Variants in PCDHGA5 observed in about 807,000 individuals in gnomAD.
PCDHGA5 encodes the protein protocadherin gamma-A5.
A neutral mutation model predicts 56.7 loss-of-function variants in PCDHGA5; 36 were observed. The observed-to-expected ratio is 0.64, with a 90% CI of 0.49 to 0.84. The LOEUF (loss-of-function observed/expected upper bound fraction) is 0.84, where lower values mean the gene tolerates loss of function less well. Ranked by LOEUF, PCDHGA5 falls within the 40% of genes least tolerant of loss-of-function variation. PCDHGA5 has a pLI of 0.00. For synonymous variants in PCDHGA5, 563 were observed against 520.2 expected (o/e 1.08, Z -1.12); for missense variants, 1,305 against 1,201.5 (o/e 1.09, Z -1.27).
intron 1 of PCDHGA5, among the ~76,000 whole-genome samples, chr5:141,454,731 G>T (rs1249851832): frequency 6.7e-6 from 1 of 150,262 alleles, no homozygotes; most frequent in Non-Finnish European, 1.5e-5. Context: ...ATATGTTATA[G>T]GATGAAAAGA....
chr5:141,442,786 A>T (rs569050347), intron 1 of PCDHGA5, among the ~76,000 whole-genome samples: 12 of 152,308 alleles, frequency 7.9e-5, no homozygotes, highest in African/African-American at 2.6e-4. Context: ...TATATTTTAT[A>T]ATTTTACTTT....
At chr5:141,409,434 A>T in intron 1 of PCDHGA5, 2 of 1,613,992 alleles carry the variant, frequency 1.2e-6, no homozygotes, top group Non-Finnish European at 1.7e-6. Context: ...GGAGCCCTGG[A>T]CCGAGAGCAG....
intron 1 of PCDHGA5, chr5:141,409,471 A>T: frequency 6.2e-7 from 1 of 1,613,978 alleles, no homozygotes; most frequent in Non-Finnish European, 8.5e-7. Context: ...TCACCATCGT[A>T]GCCACTGACA....
rs766835008 is a variant in PCDHGA5, at chr5:141,370,979, A to G, written c.2421+4228A>G. The G allele has an allele frequency of 3.7e-6, 6 of 1,613,990 alleles. 1 individual carries two copies. In the Admixed American group the frequency reaches 6.7e-5, roughly 18 times the overall value. On this transcript the variant is annotated intron_variant, in intron 1 of 3. Coordinates refer to ENST00000518069, the MANE Select transcript of PCDHGA5 (RefSeq NM_018918.3). ...ATGGCAGTAGGTACCCAGAGCTAGT[A>G]CTGAAAGCACCCCTGGACAGGGAAG...
At chr5:141,414,363 T>C in intron 1 of PCDHGA5, 3 of 1,613,910 alleles carry the variant, frequency 1.9e-6, no homozygotes, top group Non-Finnish European at 1.7e-6. Context: ...ATCTACCATT[T>C]AAATTAGAAA....
intron 1 of PCDHGA5, among the ~76,000 whole-genome samples, chr5:141,479,138 T>G (rs1469363480): frequency 6.6e-6 from 1 of 152,232 alleles, no homozygotes; most frequent in Non-Finnish European, 1.5e-5. Flanking sequence ...GCACCCTGCT[T>G]ACAAAATATT....
chr5:141,409,178 G>A, intron 1 of PCDHGA5: 1 of 1,613,994 alleles, frequency 6.2e-7, no homozygotes, highest in Non-Finnish European at 8.5e-7. Context: ...GGACGGAGGT[G>A]GTCTCTCTAC....
At position 141,426,001 on chromosome 5, in the gene PCDHGA5, T is replaced by C. The variant is rs553657872; in HGVS notation, c.2421+59250T>C. Among the ~76,000 whole-genome samples, 3 of 152,318 alleles carry C rather than the reference T, an allele frequency of 2.0e-5. No individual in the cohort carries two copies. In the South Asian group the frequency reaches 6.2e-4, roughly 32 times the overall value. The stretch of plus-strand genomic sequence containing the variant: ...TGAATCCCATTGAATTAGCAAAGGC[T>C]TCCGGCTGCAGTTTTCTAAATAGAC... On this transcript the variant is annotated intron_variant, in intron 1 of 3. Transcript: ENST00000518069.
At position 141,415,832 on chromosome 5, in the gene PCDHGA5, T is replaced by C. The variant is rs995620508; in HGVS notation, c.2421+49081T>C. On this transcript the variant is annotated intron_variant, in intron 1 of 3. Coordinates refer to ENST00000518069, the MANE Select transcript of PCDHGA5 (RefSeq NM_018918.3). ...GCCTATATATCATAAGGCTTTGTTA[T>C]GATTAGCTTTGCAGAACCTTGTAGT... 33 of 1,310,754 alleles carry C rather than the reference T, an allele frequency of 2.5e-5. No individual in the cohort carries two copies. The African/African-American group carries it at 4.7e-4, about 19-fold the overall frequency. 81.2% of individuals were successfully genotyped at this position (1,310,754 alleles called of 1,614,324 possible).
chr5:141,410,689 C>T, intron 1 of PCDHGA5: 2 of 1,514,926 alleles, frequency 1.3e-6, no homozygotes, highest in Non-Finnish European at 1.8e-6. Flanking sequence ...AGGCATACTA[C>T]TTTATTTTCA....
intron 1 of PCDHGA5, chr5:141,427,807 A>C (rs1443881781): frequency 6.6e-7 from 1 of 1,522,050 alleles, no homozygotes; most frequent in South Asian, 1.1e-5. Flanking sequence ...GTGAGCGCAC[A>C]GAGCGGGGTG....
chr5:141,365,417 G>C lies in PCDHGA5; in HGVS notation c.1087G>C (p.Gly363Arg). 6.2e-7 allele frequency: 1 copy of C among 1,613,940 alleles called. No homozygotes were observed. The highest frequency in any genetic ancestry group is 1.1e-5 in the South Asian group (1 of 91,082). Reference protein sequence around the residue: ...TSSISEDCLPGTVIALFSVHD... With the variant: ...TSSISEDCLPRTVIALFSVHD... ...TTCGATCTCTGAAGACTGTCTTCCC[G>C]GAACTGTAATCGCGCTGTTTAGCGT... The change falls in exon 1 of 4, where the codon GGA becomes CGA. Residue 363 changes from glycine (G) to arginine (R), a missense_variant. Transcript: ENST00000518069.
intron 1 of PCDHGA5, among the ~76,000 whole-genome samples, chr5:141,405,891 A>G (rs1029768115): frequency 1.3e-5 from 2 of 152,164 alleles, no homozygotes; most frequent in African/African-American, 4.8e-5. Flanking sequence ...TTGCTCCAAC[A>G]CTGAAAGGAG....
intron 1 of PCDHGA5, among the ~76,000 whole-genome samples, chr5:141,386,595 ATT>A (rs373179212): frequency 2.1e-5 from 3 of 146,060 alleles, no homozygotes; most frequent in African/African-American, 7.5e-5. Flanking sequence ...TGGGGGATAC[ATT>A]TTTTTTTTTT....
In PCDHGA5 at chr5:141,486,885, G is replaced by C. The variant is rs139638334; in HGVS notation, c.2422-7922G>C. 1.2e-6 allele frequency: 2 copies of C among 1,614,076 alleles called. No individual in the cohort carries two copies. Among genetic ancestry groups the C allele is most frequent in the East Asian group, 4.5e-5 (2 of 44,892 alleles). On this transcript the variant is annotated intron_variant, in intron 1 of 3. Coordinates refer to ENST00000518069, the MANE Select transcript of PCDHGA5 (RefSeq NM_018918.3). This position sits in a 1 kb window ranked among gnomAD's most constrained non-coding sequence, Gnocchi z 5.0. ...CCAGCTGTGCTCCGTCCTCGGGCCC[G>C]GCCTGGTTCCTTATGTCCCCAAGCA...
At position 141,366,190 on chromosome 5, in the gene PCDHGA5, G is replaced by A; in HGVS notation, c.1860G>A (p.Gly620=). The A allele has an allele frequency of 6.2e-7, 1 of 1,613,934 alleles. No individual in the cohort carries two copies. The highest frequency in any genetic ancestry group is 1.3e-5 in the African/African-American group (1 of 75,080). The part of the protein sequence containing the change: ...KASEPGLFAV[G]LHTGEVRTAR... ...GCGAGCCAGGACTCTTTGCGGTTGG[G>A]CTGCACACGGGCGAGGTGCGCACAG... is the stretch of plus-strand genomic sequence containing the variant. The change falls in exon 1 of 4, where the codon GGG becomes GGA. Residue 620 remains glycine, a synonymous_variant. Transcript: ENST00000518069.
At chr5:141,405,436 T>C (rs2094666141) in intron 1 of PCDHGA5, 1 of 1,458,154 alleles carries the variant, frequency 6.9e-7, no homozygotes. Flanking sequence ...TGTTTTGTTT[T>C]TGAGACAGAG....
chr5:141,375,868 C>G (rs1259625295), intron 1 of PCDHGA5: 1 of 1,613,938 alleles, frequency 6.2e-7, no homozygotes. Flanking sequence ...TGGCGGTGGA[C>G]AGAGACTCGG....
At position 141,384,205 on chromosome 5, in the gene PCDHGA5, A is replaced by G. The variant is rs537255250; in HGVS notation, c.2421+17454A>G. 3.1e-6 allele frequency: 5 copies of G among 1,613,874 alleles called. No homozygotes were observed. In the African/African-American group the frequency reaches 4.0e-5, roughly 13 times the overall value. On this transcript the variant is annotated intron_variant, in intron 1 of 3. Transcript: ENST00000518069. ...TGGAACTCCTCCCTTGTCCAGGGAAACTCACATATTCATGCAGGTGGCAGA... is the reference window on the plus strand; with the variant it reads ...TGGAACTCCTCCCTTGTCCAGGGAAGCTCACATATTCATGCAGGTGGCAGA...
Sources: gnomAD v4.1 joint callset for allele counts (sites outside exome capture counted in the v4.1 genomes callset) on GRCh38, gnomAD v4.1.1 for gene constraint, Gnocchi (gnomAD v3.1) non-coding constraint, MANE v1.5 for transcripts, NCBI Gene and HGNC (gene_info 2026-07-23, HGNC 2026-07-21) for gene names.